ABCC4: variants seen among roughly 807,000 people sequenced by gnomAD.
ABCC4 encodes the protein ATP-binding cassette sub-family C member 4.
In ABCC4, 102 loss-of-function variants were observed where a neutral mutation model predicts 168.5. The observed-to-expected ratio is 0.61, with a 90% CI of 0.52 to 0.71. ABCC4 has a LOEUF of 0.71. Ranked by LOEUF, ABCC4 falls within the 30% of genes least tolerant of loss-of-function variation. The probability of loss-of-function intolerance (pLI) is 0.00; values close to 1 mark genes in which losing one functional copy is unlikely to be tolerated. For synonymous variants in ABCC4, 617 were observed against 590.7 expected, an observed-to-expected ratio of 1.04 and a Z score of -0.65; for missense variants, 1,402 against 1,605.8, an observed-to-expected ratio of 0.87 and a Z score of 2.17.
chr13:95,044,430 A>C lies in ABCC4; in HGVS notation c.3465T>G (p.Leu1155=). The C allele has an allele frequency of 6.2e-7, 1 of 1,610,618 alleles. No homozygotes were observed. Among genetic ancestry groups the C allele is most frequent in the Non-Finnish European group, 8.5e-7 (1 of 1,178,554 alleles). The part of the protein sequence containing the change: ...ELWNALQEVQ[L]KETIEDLPGK... ...CAGGAAGATCTTCAATGGTTTCTTT[A>C]AGTTGTACCTGTAGATGTACAAAGA... Residue 1155 remains leucine (L), a synonymous_variant, in exon 28 of 31, where the codon CTT becomes CTG. Coordinates refer to ENST00000645237, the MANE Select transcript of ABCC4 (RefSeq NM_005845.5).
chr13:95,286,294 AT>A (rs2041255429), intron 1 of ABCC4, among the ~76,000 whole-genome samples: 1 of 151,162 alleles, frequency 6.6e-6, no homozygotes, highest in Non-Finnish European at 1.5e-5. Flanking sequence ...TAATTTTTGT[AT>A]TTTTAGTAAA....
At chr13:95,216,847 C>G (rs1479616894) in intron 4 of ABCC4, among the ~76,000 whole-genome samples, 1 of 152,166 alleles carries the variant, frequency 6.6e-6, no homozygotes, top group African/African-American at 2.4e-5. Context: ...GGAAATCAAT[C>G]TAGCATAGCA....
intron 1 of ABCC4, among the ~76,000 whole-genome samples, chr13:95,261,507 A>T (rs1205596696): frequency 6.6e-6 from 1 of 152,214 alleles, no homozygotes; most frequent in Non-Finnish European, 1.5e-5. Context: ...TGTATCTATG[A>T]GCAGCTCTTC....
At chr13:95,142,928 A>G (rs775096847) in intron 19 of ABCC4, among the ~76,000 whole-genome samples, 5 of 152,258 alleles carry the variant, frequency 3.3e-5, no homozygotes, top group Non-Finnish European at 7.3e-5. Context: ...AACAAGGAAT[A>G]AAATGGATGA....
chr13:95,181,535 C>G (rs141272476), intron 11 of ABCC4, among the ~76,000 whole-genome samples: 1 of 152,206 alleles, frequency 6.6e-6, no homozygotes, highest in Non-Finnish European at 1.5e-5. Flanking sequence ...TAGGAAGGAC[C>G]TGCCATATTC....
intron 23 of ABCC4, 97 bp downstream of exon 23, chr13:95,074,117 G>T (rs550729563): frequency 5.3e-5 from 48 of 901,362 alleles, no homozygotes; most frequent in Non-Finnish European, 1.2e-5. Context: ...GGACCAAACA[G>T]TATGTAGTAG....
intron 29 of ABCC4, among the ~76,000 whole-genome samples, chr13:95,038,233 T>C (rs1232372477): frequency 6.6e-6 from 1 of 151,920 alleles, no homozygotes; most frequent in African/African-American, 2.4e-5. Flanking sequence ...TGGAGGAAAA[T>C]GGAAGTGAAC....
intron 8 of ABCC4, among the ~76,000 whole-genome samples, chr13:95,195,832 C>A (rs1333543091): frequency 2.0e-5 from 3 of 152,048 alleles, no homozygotes; most frequent in Non-Finnish European, 4.4e-5. Flanking sequence ...CAGGGTTTCA[C>A]CATGTTAGCC....
At chr13:95,060,201 A>T (rs1223179205) in intron 26 of ABCC4, among the ~76,000 whole-genome samples, 1 of 152,208 alleles carries the variant, frequency 6.6e-6, no homozygotes, top group Non-Finnish European at 1.5e-5. Context: ...GGAGATCAGG[A>T]TCTACATGGA....
intron 19 of ABCC4, among the ~76,000 whole-genome samples, chr13:95,140,892 C>A (rs1267869270): frequency 6.6e-6 from 1 of 152,210 alleles, no homozygotes; most frequent in African/African-American, 2.4e-5. Context: ...ATTGCACAAG[C>A]TTTTCATGCC....
At chr13:95,291,724 TG>T (rs1253175737) in intron 1 of ABCC4, among the ~76,000 whole-genome samples, 1 of 152,232 alleles carries the variant, frequency 6.6e-6, no homozygotes, top group Non-Finnish European at 1.5e-5. Context: ...TCACTGATGA[TG>T]CCCAAATTGA....
intron 4 of ABCC4, among the ~76,000 whole-genome samples, 199 bp downstream of exon 4, chr13:95,234,411 C>G (rs2138757336): frequency 6.6e-6 from 1 of 152,324 alleles, no homozygotes; most frequent in Non-Finnish European, 1.5e-5. Flanking sequence ...ATGCAAATAG[C>G]AAGCTTCTCT....
chr13:95,299,825 G>C (rs9524894), intron 1 of ABCC4, among the ~76,000 whole-genome samples: 25,941 of 151,864 alleles, frequency 0.17, 2,282 homozygotes, highest in East Asian at 0.24. Context: ...GTAGTTAGCA[G>C]ACGGAATTCC....
At chr13:95,047,774 C>T (rs776713860) in intron 27 of ABCC4, among the ~76,000 whole-genome samples, 6 of 152,160 alleles carry the variant, frequency 3.9e-5, no homozygotes, top group Non-Finnish European at 7.4e-5. Flanking sequence ...TGAGCCACTA[C>T]GCCCAGCCGC....
rs921862461 is a variant in ABCC4, at chr13:95,275,726, G to A, written c.74+25515C>T. Among the ~76,000 whole-genome samples, 6 of 143,196 alleles carry A rather than the reference G, an allele frequency of 4.2e-5. No homozygotes were observed. The Admixed American group carries it at 4.4e-4, about 10-fold the overall frequency. The allele number at this position is 143,196 out of a possible 152,430, so 93.9% of individuals were successfully genotyped here. A position where few individuals can be genotyped will look rare whatever the true frequency, so the allele number is the denominator to read the frequency against. ...AATCTCTGTACTGCACTCCAGCCTGGGTGACAGAGTAAGTTTCTGTCTCAA... is the reference window on the plus strand; with the variant it reads ...AATCTCTGTACTGCACTCCAGCCTGAGTGACAGAGTAAGTTTCTGTCTCAA... On this transcript the variant is annotated intron_variant, in intron 1 of 30. Coordinates refer to ENST00000645237, the MANE Select transcript of ABCC4 (RefSeq NM_005845.5).
rs1284145679 is a variant in ABCC4 at position 95,079,474 on chromosome 13, C to A, written c.2686+3666G>T. Among the ~76,000 whole-genome samples, 10 of 152,294 alleles carry A rather than the reference C, an allele frequency of 6.6e-5. No individual in the cohort carries two copies. The East Asian group carries it at 1.2e-3, about 18-fold the overall frequency. On this transcript the variant is annotated intron_variant, in intron 21 of 30. Transcript: ENST00000645237. ...TTCCCGTATGTTCAAGGTTTCCAAG[C>A]AGTCTCAGGCAACCCTCATAAGTAT...
intron 24 of ABCC4, among the ~76,000 whole-genome samples, chr13:95,072,231 C>A (rs2033753741): frequency 6.6e-6 from 1 of 152,182 alleles, no homozygotes; most frequent in Non-Finnish European, 1.5e-5. Context: ...GAGGCCGGGG[C>A]AGGTGGATCA....
In ABCC4 at chr13:95,189,203, C is replaced by G. The variant is rs548687144; in HGVS notation, c.1264-661G>C. On this transcript the variant is annotated intron_variant, in intron 9 of 30. Transcript: ENST00000645237. Reference sequence around the variant, plus strand: ...GGCGGGAGTGCTGTGGCGCGATCTCCGCTCACTGCAAGCTCCGCCTTCCGG... The same window carrying G: ...GGCGGGAGTGCTGTGGCGCGATCTCGGCTCACTGCAAGCTCCGCCTTCCGG... Among the ~76,000 whole-genome samples, 59 of 147,446 alleles carry G rather than the reference C, an allele frequency of 4.0e-4. No homozygotes were observed. In the South Asian group the frequency reaches 0.012, roughly 29 times the overall value.
intron 21 of ABCC4, among the ~76,000 whole-genome samples, chr13:95,078,934 A>G (rs1358765552): frequency 6.6e-6 from 1 of 152,194 alleles, no homozygotes; most frequent in Admixed American, 6.5e-5. Flanking sequence ...TTTATCTCCA[A>G]CTGGGTTTCA....
Sources: allele counts gnomAD v4.1 joint callset (sites outside exome capture counted in the v4.1 genomes callset), GRCh38; gene constraint gnomAD v4.1.1; transcripts MANE v1.5; gene names NCBI Gene and HGNC (gene_info 2026-07-23, HGNC 2026-07-21).